The following HS3ST5 variants were observed in gnomAD, a reference collection of about 807,000 sequenced individuals.
HS3ST5 encodes the protein heparan sulfate glucosamine 3-O-sulfotransferase 5.
HS3ST5 carries 10 observed loss-of-function variants against 25.4 expected under a neutral mutation model. That is an observed-to-expected ratio of 0.39 (90% CI 0.24 to 0.67). The LOEUF is 0.67. Ranked by LOEUF, HS3ST5 falls within the 30% of genes least tolerant of loss-of-function variation. The pLI is 0.44. For missense variants in HS3ST5, 324 were observed against 420.7 expected (o/e 0.77, Z 2.01); for synonymous variants, 170 against 162.4 (o/e 1.05, Z -0.36).
chr6:114,341,276 T>C lies in HS3ST5; in HGVS notation c.-339+919A>G, dbSNP rs549085983. Among the ~76,000 whole-genome samples the C allele has an allele frequency of 4.1e-5, 4 of 97,350 alleles. No homozygotes were observed. The East Asian group carries it at 1.0e-3, about 25-fold the overall frequency. The allele number at this position is 97,350 out of a possible 152,430, so 63.9% of individuals were successfully genotyped here. On this transcript the variant is annotated intron_variant, in intron 1 of 4. Coordinates refer to ENST00000312719, the MANE Select transcript of HS3ST5 (RefSeq NM_153612.4). ...GAGAGAGAGAGTGAGTCCCACCGGG[T>C]GAAGACAGGGTAGACCACGAATGTG...
intron 1 of HS3ST5, among the ~76,000 whole-genome samples, chr6:114,260,921 A>G (rs1015695923): frequency 2.4e-5 from 3 of 123,842 alleles, no homozygotes; most frequent in African/African-American, 9.9e-5. Context: ...GCATGATGGC[A>G]TGATGACATT....
At chr6:114,125,396 T>C (rs183831691) in intron 3 of HS3ST5, among the ~76,000 whole-genome samples, 1 of 152,332 alleles carries the variant, frequency 6.6e-6, no homozygotes, top group East Asian at 1.9e-4. Context: ...TAGGGCAATA[T>C]ATCAAAAATA....
intron 1 of HS3ST5, among the ~76,000 whole-genome samples, chr6:114,246,563 T>C (rs1320975882): frequency 1.3e-5 from 2 of 152,210 alleles, no homozygotes; most frequent in African/African-American, 2.4e-5. Flanking sequence ...TCGTTTAAGC[T>C]AAGGCAAATA....
chr6:114,307,690 T>G (rs1361180702), intron 1 of HS3ST5, among the ~76,000 whole-genome samples: 1 of 152,148 alleles, frequency 6.6e-6, no homozygotes. Context: ...AATTGGCGTT[T>G]ACTAGTGAGA....
intron 1 of HS3ST5, among the ~76,000 whole-genome samples, chr6:114,334,516 A>G (rs986229757): frequency 6.6e-6 from 1 of 152,228 alleles, no homozygotes; most frequent in Non-Finnish European, 1.5e-5. Context: ...ATGACACACC[A>G]CATAAACAAC....
At chr6:114,277,096 T>G (rs1039864161) in intron 1 of HS3ST5, among the ~76,000 whole-genome samples, 1 of 151,996 alleles carries the variant, frequency 6.6e-6, no homozygotes, top group Non-Finnish European at 1.5e-5. Flanking sequence ...TATTTTGGGG[T>G]TTTTGTTTGT....
At chr6:114,145,160 T>G (rs1778094413) in intron 3 of HS3ST5, among the ~76,000 whole-genome samples, 1 of 152,324 alleles carries the variant, frequency 6.6e-6, no homozygotes, top group Middle Eastern at 3.4e-3. Flanking sequence ...CTGTCCACAT[T>G]CCTACAAGCC....
At chr6:114,246,640 A>C (rs896358989) in intron 1 of HS3ST5, among the ~76,000 whole-genome samples, 2 of 152,224 alleles carry the variant, frequency 1.3e-5, no homozygotes, top group African/African-American at 4.8e-5. Context: ...AGAAGAAAAG[A>C]ACAAAATCTC....
chr6:114,273,821 G>C (rs542235450), intron 1 of HS3ST5, among the ~76,000 whole-genome samples: 1 of 151,988 alleles, frequency 6.6e-6, no homozygotes, highest in Admixed American at 6.6e-5. Context: ...ACTGGGGAGG[G>C]TGGTCCAAGA....
chr6:114,316,980 T>C (rs1397242390), intron 1 of HS3ST5, among the ~76,000 whole-genome samples: 1 of 152,212 alleles, frequency 6.6e-6, no homozygotes, highest in Non-Finnish European at 1.5e-5. Flanking sequence ...ACACAGTTAG[T>C]TAGAAAAATA....
chr6:114,228,833 CTA>C (rs1486734123), intron 1 of HS3ST5, 55 bp from the exon 2 acceptor site: 1 of 152,124 alleles, frequency 6.6e-6, no homozygotes, highest in Non-Finnish European at 1.5e-5. Context: ...AGAGAATCTG[CTA>C]TGGAGAAAGT....
At chr6:114,171,484 C>T (rs9320483) in intron 2 of HS3ST5, among the ~76,000 whole-genome samples, 67,791 of 151,922 alleles carry the variant, frequency 0.45, 15,282 homozygotes, top group African/African-American at 0.48. Context: ...GTCCTACAAT[C>T]CTTAGTGTGC....
intron 2 of HS3ST5, among the ~76,000 whole-genome samples, chr6:114,168,907 A>C (rs551658340): frequency 1.1e-3 from 169 of 152,286 alleles, no homozygotes; most frequent in African/African-American, 3.6e-3. Context: ...AATCATTCTT[A>C]CCTTTGCTAC....
intron 2 of HS3ST5, among the ~76,000 whole-genome samples, chr6:114,169,638 C>A (rs937445987): frequency 6.6e-6 from 1 of 152,090 alleles, no homozygotes. Flanking sequence ...TGAAACATAA[C>A]AAAATAAAGC....
intron 2 of HS3ST5, among the ~76,000 whole-genome samples, chr6:114,170,853 TTAGC>T (rs1779446017): frequency 6.6e-6 from 1 of 152,190 alleles, no homozygotes; most frequent in Non-Finnish European, 1.5e-5. Context: ...TTAAACATAA[TTAGC>T]TAAAGTTCAA....
intron 2 of HS3ST5, among the ~76,000 whole-genome samples, chr6:114,198,414 A>G (rs1401769): frequency 0.97 from 147,567 of 152,228 alleles, 71,699 homozygotes; most frequent in East Asian, 1. Context: ...AGGTCAACAT[A>G]GAAATACAAG....
intron 1 of HS3ST5, among the ~76,000 whole-genome samples, chr6:114,271,374 TTA>T (rs1452580889): frequency 6.6e-6 from 1 of 152,072 alleles, no homozygotes; most frequent in Non-Finnish European, 1.5e-5. Flanking sequence ...GTAAGTGAGA[TTA>T]TGTATATATG....
chr6:114,117,365 C>T (rs146451096), intron 3 of HS3ST5, among the ~76,000 whole-genome samples: 80 of 152,184 alleles, frequency 5.3e-4, no homozygotes, highest in South Asian at 2.1e-3. Flanking sequence ...TATTTCTCCA[C>T]GCAAAATCAG....
At chr6:114,196,812 T>C (rs942085567) in intron 2 of HS3ST5, among the ~76,000 whole-genome samples, 1 of 152,166 alleles carries the variant, frequency 6.6e-6, no homozygotes, top group African/African-American at 2.4e-5. Context: ...AAGATTTTGT[T>C]TTTAAAGGAG....
Sources: gnomAD v4.1 joint callset for allele counts (sites outside exome capture counted in the v4.1 genomes callset) on GRCh38, gnomAD v4.1.1 for gene constraint, MANE v1.5 for transcripts, NCBI Gene and HGNC (gene_info 2026-07-23, HGNC 2026-07-21) for gene names.